Variants in NXN observed in about 807,000 individuals in gnomAD.
The protein encoded by NXN is nucleoredoxin 1.
Under a neutral mutation model 48.6 loss-of-function variants are expected in NXN, and 16 were observed. The ratio of observed to expected loss-of-function variants is 0.33; its 90% CI spans 0.22 to 0.50. The LOEUF (loss-of-function observed/expected upper bound fraction) is 0.50, where lower values mean the gene tolerates loss of function less well. Among genes scored for constraint, NXN ranks in the 20% least tolerant of loss-of-function variants. The pLI is 0.98. For synonymous variants in NXN, 281 were observed against 269.6 expected (o/e 1.04, Z -0.41); for missense variants, 492 against 605.5 (o/e 0.81, Z 1.97).
intron 1 of NXN, among the ~76,000 whole-genome samples, chr17:946,792 T>G (rs2069049067): frequency 6.6e-6 from 1 of 151,846 alleles, no homozygotes; most frequent in African/African-American, 2.4e-5. Flanking sequence ...ACCTGGAAAA[T>G]GGGGGTGATC....
chr17:833,794 C>A (rs963436055), intron 1 of NXN, among the ~76,000 whole-genome samples: 2 of 152,146 alleles, frequency 1.3e-5, no homozygotes, highest in African/African-American at 4.8e-5. Context: ...GAGAGATAAT[C>A]CTGCCCCATC....
Position 803,841 on chromosome 17 carries a change from GA to G in NXN, c.1001-36del, listed in dbSNP as rs780198090. 3 of 1,612,204 alleles carry G rather than the reference GA, an allele frequency of 1.9e-6. No individual in the cohort carries two copies. In the South Asian group the frequency reaches 3.3e-5, roughly 18 times the overall value. On this transcript the variant is annotated intron_variant, in intron 6 of 7. Coordinates refer to ENST00000336868, the MANE Select transcript of NXN (RefSeq NM_022463.5). ...GGTCGGGGGTAGAAAAAGACGGGGA[GA>G]AAAAGCACTGGCTTGTCAAACAGAG...
rs1317616617 is a variant in NXN at position 843,057 on chromosome 17, AAGGAAGAAAGC to A, written c.361-16990_361-16980del. 4.1e-3 allele frequency among the ~76,000 whole-genome samples: 435 copies of A among 105,736 alleles called. 2 individuals carry two copies. Among genetic ancestry groups the A allele is most frequent in the Middle Eastern group, 0.011 (2 of 184 alleles). The allele number at this position is 105,736 out of a possible 152,430, so 69.4% of individuals were successfully genotyped here. ...GAAAGAAAGAAAGAAAGAAAGAAAGAAGGAAGAAAGCAAGCAAGCAAGCTGCACCTTCAGAC... is the reference window on the plus strand; with the variant it reads ...GAAAGAAAGAAAGAAAGAAAGAAAGAAAGCAAGCAAGCTGCACCTTCAGAC... On this transcript the variant is annotated intron_variant, in intron 1 of 7. Coordinates refer to ENST00000336868, the MANE Select transcript of NXN (RefSeq NM_022463.5).
chr17:861,063 G>A (rs116210062), intron 1 of NXN, among the ~76,000 whole-genome samples: 1,573 of 152,302 alleles, frequency 0.01, 30 homozygotes, highest in African/African-American at 0.036. Flanking sequence ...GTAAGGAAGG[G>A]CCCTGGGCAG....
At chr17:924,189 T>TG in intron 1 of NXN, among the ~76,000 whole-genome samples, 1 of 152,160 alleles carries the variant, frequency 6.6e-6, no homozygotes, top group South Asian at 2.1e-4. Flanking sequence ...ACCACAGGTG[T>TG]GTATCACCAA....
intron 1 of NXN, among the ~76,000 whole-genome samples, chr17:838,733 C>T (rs1437923838): frequency 6.6e-6 from 1 of 152,198 alleles, no homozygotes; most frequent in African/African-American, 2.4e-5. Flanking sequence ...AGAGTGGCTG[C>T]ATTCTGGTTG....
chr17:867,861 G>A (rs1051560927), intron 1 of NXN, among the ~76,000 whole-genome samples: 3 of 151,954 alleles, frequency 2.0e-5, no homozygotes, highest in Non-Finnish European at 4.4e-5. Context: ...AGGAGGTGGA[G>A]GCTGCAGTAA....
intron 1 of NXN, among the ~76,000 whole-genome samples, chr17:827,719 G>A (rs193002640): frequency 1.4e-4 from 22 of 152,370 alleles, no homozygotes; most frequent in South Asian, 2.1e-4. Flanking sequence ...TGTTTAGGCC[G>A]TTCGGCTCTG....
intron 1 of NXN, among the ~76,000 whole-genome samples, chr17:883,333 C>T (rs527329480): frequency 1.3e-5 from 2 of 152,168 alleles, no homozygotes; most frequent in Non-Finnish European, 1.5e-5. Context: ...TTCACAGAGG[C>T]CTCTCTTCCT....
chr17:961,399 A>AAT (rs71145802), intron 1 of NXN, among the ~76,000 whole-genome samples: 37 of 151,964 alleles, frequency 2.4e-4, no homozygotes, highest in African/African-American at 7.0e-4. Context: ...AAAAAAAAAA[A>AAT]GAAAAAGAAA....
intron 6 of NXN, among the ~76,000 whole-genome samples, chr17:804,464 A>T (rs948213676): frequency 2.0e-5 from 3 of 151,584 alleles, no homozygotes; most frequent in Non-Finnish European, 4.4e-5. Context: ...AGTGATTTTG[A>T]GTTGTTGGAG....
At chr17:972,138 T>C (rs1265459250) in intron 1 of NXN, among the ~76,000 whole-genome samples, 2 of 152,034 alleles carry the variant, frequency 1.3e-5, no homozygotes, top group Admixed American at 1.3e-4. Context: ...CCATCTCTAC[T>C]AAAAATACAA....
intron 1 of NXN, among the ~76,000 whole-genome samples, chr17:953,499 G>A (rs2069135466): frequency 6.6e-6 from 1 of 152,190 alleles, no homozygotes; most frequent in South Asian, 2.1e-4. Context: ...CCCTGAGGAC[G>A]AACTCTAAGG....
At chr17:840,459 C>T (rs1914092848) in intron 1 of NXN, among the ~76,000 whole-genome samples, 1 of 152,154 alleles carries the variant, frequency 6.6e-6, no homozygotes, top group South Asian at 2.1e-4. Context: ...CCTGCCTCAG[C>T]CTCCCAGGTA....
At chr17:967,220 C>CTAAAT (rs2069316445) in intron 1 of NXN, among the ~76,000 whole-genome samples, 1 of 152,224 alleles carries the variant, frequency 6.6e-6, no homozygotes, top group Non-Finnish European at 1.5e-5. Flanking sequence ...ACATCCCGGC[C>CTAAAT]ACAGTGACCA....
intron 1 of NXN, chr17:863,862 G>T: frequency 9.6e-7 from 1 of 1,045,328 alleles, no homozygotes; most frequent in Non-Finnish European, 1.4e-6. Flanking sequence ...CTGTCCTTCA[G>T]GGAAAAAACA....
intron 1 of NXN, among the ~76,000 whole-genome samples, chr17:955,158 C>T (rs1379716216): frequency 5.3e-4 from 76 of 142,606 alleles, no homozygotes; most frequent in Non-Finnish European, 9.6e-4. Context: ...ATGCTCATCT[C>T]TTTCTTTTTT....
chr17:900,913 CTTTTTTTT>C (rs11367844), intron 1 of NXN, among the ~76,000 whole-genome samples: 92 of 75,866 alleles, frequency 1.2e-3, no homozygotes, highest in African/African-American at 2.4e-3. Context: ...GATCTGCATT[CTTTTTTTT>C]TTTTTTTTTT....
intron 2 of NXN, among the ~76,000 whole-genome samples, chr17:824,100 C>T (rs576782205): frequency 1.1e-4 from 16 of 148,300 alleles, no homozygotes; most frequent in East Asian, 2.0e-4. Flanking sequence ...AGTGCAGTGG[C>T]GCAATCTCAG....
Sources: gnomAD v4.1 joint callset for allele counts (sites outside exome capture counted in the v4.1 genomes callset) on GRCh38, gnomAD v4.1.1 for gene constraint, MANE v1.5 for transcripts, NCBI Gene and HGNC (gene_info 2026-07-23, HGNC 2026-07-21) for gene names.